SERPINI1: variants seen among roughly 807,000 people sequenced by gnomAD.
SERPINI1 encodes serpin family I member 1, also known as neuroserpin.
In SERPINI1, 19 loss-of-function variants were observed where a neutral mutation model predicts 41.1. The ratio of observed to expected loss-of-function variants is 0.46; its 90% CI spans 0.32 to 0.68. The LOEUF is 0.68. SERPINI1 is among the 30% of genes least tolerant of loss of function. The probability of loss-of-function intolerance (pLI) is 0.03; values close to 1 mark genes in which losing one functional copy is unlikely to be tolerated. For missense variants in SERPINI1, 460 were observed against 479.2 expected (o/e 0.96, Z 0.37); for synonymous variants, 138 against 156.6 (o/e 0.88, Z 0.89).
At chr3:167,798,539 A>C (rs1727787569) in intron 5 of SERPINI1, among the ~76,000 whole-genome samples, 1 of 152,166 alleles carries the variant, frequency 6.6e-6, no homozygotes, top group Non-Finnish European at 1.5e-5. Context: ...TAGCAAAGGT[A>C]AAAATGTTTT....
intron 1 of SERPINI1, among the ~76,000 whole-genome samples, chr3:167,772,157 A>G (rs1726777665): frequency 6.6e-6 from 1 of 152,186 alleles, no homozygotes; most frequent in African/African-American, 2.4e-5. Flanking sequence ...AATAATTTAT[A>G]TTATGTCTGG....
chr3:167,781,089 ACCCC>A (rs1727106867), intron 1 of SERPINI1, among the ~76,000 whole-genome samples: 1 of 149,704 alleles, frequency 6.7e-6, no homozygotes. Context: ...ACAAAGTGTG[ACCCC>A]CTTTTCTTTT....
chr3:167,741,827 A>G (rs553163354), intron 1 of SERPINI1, among the ~76,000 whole-genome samples: 1 of 152,332 alleles, frequency 6.6e-6, no homozygotes, highest in African/African-American at 2.4e-5. Flanking sequence ...AGTATCTTAT[A>G]TCTTATGTCC....
At chr3:167,783,609 T>C (rs548922479) in intron 1 of SERPINI1, among the ~76,000 whole-genome samples, 1 of 152,258 alleles carries the variant, frequency 6.6e-6, no homozygotes, top group South Asian at 2.1e-4. Context: ...GGACTAGATC[T>C]GTGGAGAATA....
chr3:167,740,071 C>T (rs1725628968), intron 1 of SERPINI1, among the ~76,000 whole-genome samples: 3 of 145,774 alleles, frequency 2.1e-5, no homozygotes, highest in African/African-American at 5.1e-5. Flanking sequence ...CTGACTCTGT[C>T]GCCCAGGCTG....
intron 1 of SERPINI1, among the ~76,000 whole-genome samples, chr3:167,752,917 C>G (rs1726087139): frequency 6.6e-6 from 1 of 152,142 alleles, no homozygotes; most frequent in Non-Finnish European, 1.5e-5. Flanking sequence ...CCCTGATTCT[C>G]TCCTTAATCT....
intron 1 of SERPINI1, among the ~76,000 whole-genome samples, chr3:167,755,734 G>C (rs1726172392): frequency 6.7e-6 from 1 of 148,484 alleles, no homozygotes; most frequent in African/African-American, 2.5e-5. Flanking sequence ...TACTGAAATA[G>C]TTTAGCTTTG....
chr3:167,745,010 C>T (rs1725822606), intron 1 of SERPINI1, among the ~76,000 whole-genome samples: 1 of 150,238 alleles, frequency 6.7e-6, no homozygotes, highest in South Asian at 2.1e-4. Flanking sequence ...AAAGAGGAGA[C>T]ATCACTACCA....
At chr3:167,753,603 ACCC>A (rs1726110692) in intron 1 of SERPINI1, among the ~76,000 whole-genome samples, 1 of 151,968 alleles carries the variant, frequency 6.6e-6, no homozygotes, top group Non-Finnish European at 1.5e-5. Flanking sequence ...TCTTAAACTT[ACCC>A]CTGTGGCCTT....
At chr3:167,784,397 C>T (rs1020883604) in intron 1 of SERPINI1, among the ~76,000 whole-genome samples, 2 of 152,192 alleles carry the variant, frequency 1.3e-5, no homozygotes, top group Non-Finnish European at 2.9e-5. Context: ...CATGGAACCT[C>T]TATCAGTCTT....
chr3:167,796,513 C>A (rs1006146801), intron 5 of SERPINI1, among the ~76,000 whole-genome samples: 27 of 152,074 alleles, frequency 1.8e-4, no homozygotes, highest in Admixed American at 5.9e-4. Context: ...TCCCTCCCCG[C>A]AACCCCCTGA....
rs190264725 is a variant in SERPINI1 at position 167,817,401 on chromosome 3, C to T, written c.980-5585C>T. Among the ~76,000 whole-genome samples the T allele has an allele frequency of 3.2e-3, 480 of 152,016 alleles. 2 individuals carry two copies. The highest frequency in any genetic ancestry group is 0.011 in the African/African-American group (444 of 41,452). On this transcript the variant is annotated intron_variant, in intron 6 of 8. Transcript: ENST00000446050. ...TTTATTCTCTTTCTAATGTCTAGAACGGTTTTACAACAGGCAATCCTATCT... is the reference window on the plus strand; with the variant it reads ...TTTATTCTCTTTCTAATGTCTAGAATGGTTTTACAACAGGCAATCCTATCT...
chr3:167,789,238 T>A lies in SERPINI1; in HGVS notation c.110T>A (p.Leu37His). 1 of 1,614,162 alleles carries A rather than the reference T, an allele frequency of 6.2e-7. No individual in the cohort carries two copies. Among genetic ancestry groups the A allele is most frequent in the Non-Finnish European group, 8.5e-7 (1 of 1,180,014 alleles). Residue 37 changes from leucine (L) to histidine (H), a missense_variant, in exon 2 of 9, where the codon CTT (leucine) becomes CAT (histidine). Transcript: ENST00000446050. ...ADLSVNMYNR[L>H]RATGEDENIL... is the part of the protein sequence containing the mutation. ...TTGTCAGTGAATATGTATAATCGTCTTAGAGCCACTGGTGAAGATGAAAAT... is the reference window on the plus strand; with the variant it reads ...TTGTCAGTGAATATGTATAATCGTCATAGAGCCACTGGTGAAGATGAAAAT...
intron 6 of SERPINI1, among the ~76,000 whole-genome samples, chr3:167,822,544 T>G (rs1303249010): frequency 2.0e-5 from 3 of 152,214 alleles, no homozygotes; most frequent in African/African-American, 7.2e-5. Flanking sequence ...CAAGGGTATT[T>G]ACATTATCAT....
intron 1 of SERPINI1, among the ~76,000 whole-genome samples, chr3:167,787,065 C>T (rs1727340780): frequency 6.6e-6 from 1 of 152,024 alleles, no homozygotes; most frequent in Non-Finnish European, 1.5e-5. Flanking sequence ...ACTTTTTAAA[C>T]ATTTTTGTTA....
chr3:167,802,051 G>T (rs1019136643), intron 5 of SERPINI1, among the ~76,000 whole-genome samples: 1 of 152,070 alleles, frequency 6.6e-6, no homozygotes, highest in African/African-American at 2.4e-5. Flanking sequence ...AATAAATGGT[G>T]CTGGGGAAAC....
intron 1 of SERPINI1, among the ~76,000 whole-genome samples, chr3:167,785,783 T>C (rs1218002261): frequency 6.6e-6 from 1 of 152,250 alleles, no homozygotes; most frequent in Non-Finnish European, 1.5e-5. Context: ...TTTTGTTTTA[T>C]ACAAATACAA....
intron 1 of SERPINI1, among the ~76,000 whole-genome samples, chr3:167,737,871 G>A (rs1725533616): frequency 6.6e-6 from 1 of 152,040 alleles, no homozygotes; most frequent in South Asian, 2.1e-4. Context: ...TGAGTTTGTG[G>A]TATTAAAGTA....
At chr3:167,792,893 A>G in intron 4 of SERPINI1, 109 bp downstream of exon 4, 1 of 944,936 alleles carries the variant, frequency 1.1e-6, no homozygotes, top group Non-Finnish European at 1.7e-6. Context: ...AATTTGGGCT[A>G]CAATTCAATT....
Sources: gnomAD v4.1 joint callset for allele counts (sites outside exome capture counted in the v4.1 genomes callset) on GRCh38, gnomAD v4.1.1 for gene constraint, MANE v1.5 for transcripts, NCBI Gene and HGNC (gene_info 2026-07-23, HGNC 2026-07-21) for gene names.